AP3B2: variants seen among roughly 807,000 people sequenced by gnomAD.
The protein encoded by AP3B2 is AP-3 complex subunit beta-2.
In AP3B2, 50 loss-of-function variants were observed where a neutral mutation model predicts 126.9. The observed-to-expected ratio is 0.39, with a 90% CI of 0.31 to 0.50. The LOEUF (loss-of-function observed/expected upper bound fraction) is 0.50, where lower values mean the gene tolerates loss of function less well. AP3B2 is among the 20% of genes least tolerant of loss of function. The pLI is 0.79. For synonymous variants in AP3B2, 541 were observed against 565.0 expected (o/e 0.96, Z 0.60); for missense variants, 1,177 against 1,426.4 (o/e 0.83, Z 2.82).
At position 82,662,876 on chromosome 15, in the gene AP3B2, C is replaced by G; in HGVS notation, c.2651G>C (p.Arg884Pro). 1 of 1,613,534 alleles carries G rather than the reference C, an allele frequency of 6.2e-7. No individual in the cohort carries two copies. Among genetic ancestry groups the G allele is most frequent in the Non-Finnish European group, 8.5e-7 (1 of 1,179,782 alleles). Reference sequence around the variant, plus strand: ...CACAGCCAGCCCCTCGCCAGCTACCCGGTGCAGCAGCTCCTGCCGCCCAAC... The same window carrying G: ...CACAGCCAGCCCCTCGCCAGCTACCGGGTGCAGCAGCTCCTGCCGCCCAAC... Reference protein sequence around the residue: ...SGVGRQELLHRVAGEGLAVDY... With the variant: ...SGVGRQELLHPVAGEGLAVDY... Residue 884 changes from arginine to proline, a missense_variant, in exon 23 of 27, where the codon CGG becomes CCG. Physicochemically the swap from Arg to Pro is moderately radical, Grantham distance 103. Around this residue, in one of 5 missense-constraint regions of AP3B2, gnomAD observed 587 missense variants for 571.3 expected, o/e 1.03. Coordinates refer to ENST00000535359, the MANE Select transcript of AP3B2 (RefSeq NM_001278512.2).
rs2151428743 is a variant in AP3B2 at position 82,664,086 on chromosome 15, G to C, written c.2262-111C>G. 1 of 1,460,234 alleles carries C rather than the reference G, an allele frequency of 6.8e-7. No homozygotes were observed. Among genetic ancestry groups the C allele is most frequent in the East Asian group, 2.5e-5 (1 of 40,516 alleles). The allele number at this position is 1,460,234 out of a possible 1,614,324, so 90.5% of individuals were successfully genotyped here. On this transcript the variant is annotated intron_variant, in intron 19 of 26. Coordinates refer to ENST00000535359, the MANE Select transcript of AP3B2 (RefSeq NM_001278512.2). This position sits in a 1 kb window ranked among gnomAD's most constrained non-coding sequence, Gnocchi z 4.5. ...GAGTGGTGTGGGGAGCCTGAGCCAG[G>C]AGGGTTCACACCTGAGGTCCTATAG...
At chr15:82,675,073 T>G (rs2048221617) in intron 14 of AP3B2, among the ~76,000 whole-genome samples, 1 of 152,174 alleles carries the variant, frequency 6.6e-6, no homozygotes, top group African/African-American at 2.4e-5. Context: ...TCCTCCCACC[T>G]GAACAAAGGA....
intron 1 of AP3B2, among the ~76,000 whole-genome samples, chr15:82,693,181 TCCCCCCGCCCCCAC>T (rs1463192122): frequency 7.9e-4 from 87 of 109,990 alleles, no homozygotes; most frequent in Middle Eastern, 0.011. Flanking sequence ...AATAAGAATC[TCCCCCCGCCCCCAC>T]CCCCCCGCCC....
At chr15:82,687,167 A>C (rs1483366113) in intron 4 of AP3B2, 1 of 152,210 alleles carries the variant, frequency 6.6e-6, no homozygotes, top group Non-Finnish European at 1.5e-5. Context: ...ATGACCTGTT[A>C]GACATGTTCT....
At chr15:82,703,934 A>G (rs1019813070) in intron 1 of AP3B2, among the ~76,000 whole-genome samples, 3 of 151,978 alleles carry the variant, frequency 2.0e-5, no homozygotes, top group African/African-American at 7.3e-5. Context: ...ATTCTTTCTC[A>G]GCTTCTGCTC....
At chr15:82,671,284 CAAAAA>C (rs1168547632) in intron 14 of AP3B2, among the ~76,000 whole-genome samples, 2 of 151,768 alleles carry the variant, frequency 1.3e-5, no homozygotes, top group Non-Finnish European at 2.9e-5. Flanking sequence ...GACTCCGTCT[CAAAAA>C]ACAAAACAAA....
rs188892600 is a variant in AP3B2, at chr15:82,659,573, G to T, written c.3293C>A (p.Ala1098Asp). 5.3e-5 allele frequency: 85 copies of T among 1,613,908 alleles called. No homozygotes were observed. In the Admixed American group the frequency reaches 1.0e-3, roughly 20 times the overall value. The change falls in exon 27 of 27, where the codon GCT becomes GAT. Residue 1098 changes from alanine to aspartate, a missense_variant. Ala to Asp is a moderately radical substitution (Grantham distance 126, BLOSUM62 -2). Around this residue, in one of 5 missense-constraint regions of AP3B2, gnomAD observed 587 missense variants for 571.3 expected, o/e 1.03. Transcript: ENST00000535359. ...AGCATTTGGAAGTCACTGGGTCAGAGCCTGTATCACATCCTTTACCAGCAT... is the reference window on the plus strand; with the variant it reads ...AGCATTTGGAAGTCACTGGGTCAGATCCTGTATCACATCCTTTACCAGCAT... The part of the protein sequence containing the change: ...GTMLVKDVIQ[A>D]LTQ
intron 1 of AP3B2, among the ~76,000 whole-genome samples, chr15:82,702,671 G>A (rs1054282229): frequency 6.6e-6 from 1 of 150,402 alleles, no homozygotes; most frequent in Non-Finnish European, 1.5e-5. Context: ...ATCTCCTTTC[G>A]TTGACTCTTT....
chr15:82,683,047 G>GTTTTTTTTTTTTTTTTTTT (rs61213011), intron 4 of AP3B2, among the ~76,000 whole-genome samples: 1 of 77,728 alleles, frequency 1.3e-5, no homozygotes, highest in Non-Finnish European at 2.5e-5. Flanking sequence ...TGCACCAGGA[G>GTTTTTTTTTTTTTTTTTTT]TTTTTTTTTT....
At chr15:82,709,305 G>A (rs891095588) in intron 1 of AP3B2, among the ~76,000 whole-genome samples, 17 of 152,272 alleles carry the variant, frequency 1.1e-4, no homozygotes, top group African/African-American at 3.8e-4. Context: ...CCGCAAACCG[G>A]AGAAACACCT....
At chr15:82,672,958 G>A (rs1032613175) in intron 14 of AP3B2, among the ~76,000 whole-genome samples, 15 of 152,198 alleles carry the variant, frequency 9.9e-5, no homozygotes, top group African/African-American at 2.4e-5. Flanking sequence ...GAAGTGGATC[G>A]TGGCACCATG....
intron 1 of AP3B2, among the ~76,000 whole-genome samples, chr15:82,707,553 A>G (rs2048815886): frequency 6.6e-6 from 1 of 151,846 alleles, no homozygotes; most frequent in Non-Finnish European, 1.5e-5. Flanking sequence ...GTTTCTCCAA[A>G]CCATTACAGC....
intron 1 of AP3B2, chr15:82,697,895 G>T (rs1019076623): frequency 6.6e-6 from 1 of 152,334 alleles, no homozygotes; most frequent in Non-Finnish European, 1.5e-5. Flanking sequence ...TTTCTTAGTG[G>T]GTAGGAGGCT....
At position 82,681,350 on chromosome 15, in the gene AP3B2, A is replaced by G; in HGVS notation, c.521+70T>C. On this transcript the variant is annotated intron_variant, in intron 5 of 26. Coordinates refer to ENST00000535359, the MANE Select transcript of AP3B2 (RefSeq NM_001278512.2). This position sits in a 1 kb window ranked among gnomAD's most constrained non-coding sequence, Gnocchi z 4.0. ...TGAGAAGCAGCAGGCAAGACTTAGG[A>G]AAGGCCAGGGGTGGGTTGAGAACTT... The G allele has an allele frequency of 6.3e-7, 1 of 1,588,060 alleles. No individual in the cohort carries two copies. Among genetic ancestry groups the G allele is most frequent in the Non-Finnish European group, 8.6e-7 (1 of 1,165,048 alleles).
In AP3B2 at chr15:82,680,254, C is replaced by A; in HGVS notation, c.1056-25G>T. The A allele has an allele frequency of 6.2e-7, 1 of 1,613,310 alleles. No individual in the cohort carries two copies. Among genetic ancestry groups the A allele is most frequent in the Non-Finnish European group, 8.5e-7 (1 of 1,179,690 alleles). ...ACTGCGGAGAGGACGGGTCAGAGCA[C>A]CCCGGGCCCCTCGGTTGGGGCAAGG... On this transcript the variant is annotated intron_variant, in intron 8 of 26. Transcript: ENST00000535359. This position sits in a 1 kb window ranked among gnomAD's most constrained non-coding sequence, Gnocchi z 6.1.
chr15:82,689,243 G>C lies in AP3B2; in HGVS notation c.190-11C>G. 1 of 1,614,020 alleles carries C rather than the reference G, an allele frequency of 6.2e-7. No individual in the cohort carries two copies. Among genetic ancestry groups the C allele is most frequent in the Non-Finnish European group, 8.5e-7 (1 of 1,179,888 alleles). On this transcript the variant is annotated splice_polypyrimidine_tract_variant and intron_variant, in intron 2 of 26. Coordinates refer to ENST00000535359, the MANE Select transcript of AP3B2 (RefSeq NM_001278512.2). ...TCCTCGGGCAATCATCTGGGTGGTG[G>C]GGTCAAGGTAGGGGAAGAGGGACAA...
intron 4 of AP3B2, chr15:82,685,379 A>C (rs1290381318): frequency 6.6e-6 from 1 of 152,242 alleles, no homozygotes; most frequent in African/African-American, 2.4e-5. Flanking sequence ...GTGTGCCTGT[A>C]CTATTACTCT....
At chr15:82,675,320 C>G (rs2048226350) in intron 14 of AP3B2, among the ~76,000 whole-genome samples, 1 of 152,220 alleles carries the variant, frequency 6.6e-6, no homozygotes, top group South Asian at 2.1e-4. Flanking sequence ...GTTGCCTCCA[C>G]ATGTTGCTGC....
chr15:82,680,102 GC>G lies in AP3B2; in HGVS notation c.1110+72del. The G allele has an allele frequency of 1.3e-6, 2 of 1,590,186 alleles. No homozygotes were observed. The highest frequency in any genetic ancestry group is 1.7e-6 in the Non-Finnish European group (2 of 1,165,772). The stretch of plus-strand genomic sequence containing the variant: ...TTCCCTTTCCCCGGCCCCGGTCCCA[GC>G]CCCGACAACGCCTCCAGTGCCCGCA... On this transcript the variant is annotated intron_variant, in intron 9 of 26. Transcript: ENST00000535359. The surrounding 1 kb of genome is among the most constrained non-coding windows in gnomAD (Gnocchi z 6.1).
Sources: gnomAD v4.1 joint callset for allele counts (sites outside exome capture counted in the v4.1 genomes callset) on GRCh38, gnomAD v4.1.1 for gene constraint, gnomAD v4.1.1 regional missense constraint, Gnocchi (gnomAD v3.1) non-coding constraint, MANE v1.5 for transcripts, NCBI Gene and HGNC (gene_info 2026-07-23, HGNC 2026-07-21) for gene names.